The following MEMO1 variants were observed in gnomAD, a reference collection of about 807,000 sequenced individuals.
MEMO1 encodes the protein protein MEMO1.
A neutral mutation model predicts 45.2 loss-of-function variants in MEMO1; 6 were observed. That is an observed-to-expected ratio of 0.13 (90% CI 0.07 to 0.26). The LOEUF is 0.26. Ranked by LOEUF, MEMO1 falls within the 10% of genes least tolerant of loss-of-function variation. The pLI, the probability that MEMO1 is intolerant of heterozygous loss-of-function variation, is 1.00. For synonymous variants in MEMO1, 78 were observed against 124.3 expected (o/e 0.63, Z 2.48); for missense variants, 184 against 370.5 (o/e 0.50, Z 4.13).
Position 31,950,155 on chromosome 2 carries a change from T to C in MEMO1, c.62-6772A>G, listed in dbSNP as rs184768721. 1.6e-3 allele frequency among the ~76,000 whole-genome samples: 241 copies of C among 151,950 alleles called. 1 individual carries two copies. Among genetic ancestry groups the C allele is most frequent in the Non-Finnish European group, 2.5e-3 (172 of 67,924 alleles). On this transcript the variant is annotated intron_variant, in intron 2 of 9. Coordinates refer to ENST00000404530, the MANE Select transcript of MEMO1 (RefSeq NM_001301833.4). ...CAACACTTTGGGAAGCCACGGCAGA[T>C]GGATCACCTGAGGTCAGGAGTTTGA...
chr2:31,989,096 C>T (rs1185691224), intron 2 of MEMO1, among the ~76,000 whole-genome samples: 1 of 152,104 alleles, frequency 6.6e-6, no homozygotes, highest in Non-Finnish European at 1.5e-5. Flanking sequence ...ATCCCAGCTA[C>T]TCAGGAGGCT....
At chr2:31,941,847 T>C (rs894205639) in intron 3 of MEMO1, among the ~76,000 whole-genome samples, 10 of 152,192 alleles carry the variant, frequency 6.6e-5, no homozygotes, top group African/African-American at 2.2e-4. Flanking sequence ...ACAAAATATT[T>C]GGTATATAAA....
At chr2:31,960,757 TG>T (rs1667920063) in intron 2 of MEMO1, among the ~76,000 whole-genome samples, 1 of 152,032 alleles carries the variant, frequency 6.6e-6, no homozygotes, top group Admixed American at 6.6e-5. Context: ...GGCTAATTTT[TG>T]TATTTTTAGT....
At chr2:31,984,032 G>A (rs897257736) in intron 2 of MEMO1, among the ~76,000 whole-genome samples, 1 of 152,208 alleles carries the variant, frequency 6.6e-6, no homozygotes, top group Non-Finnish European at 1.5e-5. Flanking sequence ...TAAATAAGTT[G>A]AGTGGGGGAG....
chr2:31,950,581 G>C (rs1327251399), intron 2 of MEMO1, among the ~76,000 whole-genome samples: 1 of 151,546 alleles, frequency 6.6e-6, no homozygotes, highest in Non-Finnish European at 1.5e-5. Context: ...AAACTAGCCA[G>C]GCATGGTGGC....
rs752864560 is a variant in MEMO1, at chr2:31,917,922, A to G, written c.437+4T>C. On this transcript the variant is annotated splice_donor_region_variant and intron_variant, in intron 6 of 9. Transcript: ENST00000404530. The stretch of plus-strand genomic sequence containing the variant: ...CTGGGGATTTCTTATATCAATCAAT[A>G]TACCTTTCCATGGCTTTAGCTGTAT... 1.9e-6 allele frequency: 3 copies of G among 1,570,924 alleles called. No homozygotes were observed. Among genetic ancestry groups the G allele is most frequent in the Non-Finnish European group, 2.6e-6 (3 of 1,152,130 alleles).
intron 2 of MEMO1, among the ~76,000 whole-genome samples, chr2:32,002,289 A>G (rs1218183056): frequency 6.8e-6 from 1 of 146,488 alleles, no homozygotes; most frequent in African/African-American, 2.5e-5. Flanking sequence ...ATGTACATAT[A>G]TACATATACA....
intron 8 of MEMO1, among the ~76,000 whole-genome samples, chr2:31,875,603 C>T (rs1674439246): frequency 6.6e-6 from 1 of 152,154 alleles, no homozygotes; most frequent in African/African-American, 2.4e-5. Context: ...CCACTTCATT[C>T]TACCTCCACC....
chr2:31,882,519 GA>G (rs566741050), intron 8 of MEMO1, among the ~76,000 whole-genome samples: 83 of 150,370 alleles, frequency 5.5e-4, no homozygotes, highest in African/African-American at 1.7e-3. Context: ...AAATTTGAAG[GA>G]AAAAAAAAGT....
At chr2:31,976,691 A>ATT (rs564106910) in intron 2 of MEMO1, among the ~76,000 whole-genome samples, 1 of 152,082 alleles carries the variant, frequency 6.6e-6, no homozygotes, top group Non-Finnish European at 1.5e-5. Context: ...TATGATCATA[A>ATT]TTTTTTTGCT....
chr2:31,968,277 C>T (rs952837481), intron 2 of MEMO1, among the ~76,000 whole-genome samples: 3 of 152,198 alleles, frequency 2.0e-5, no homozygotes, highest in African/African-American at 4.8e-5. Context: ...AGGGGAAATA[C>T]GGGAATAGGA....
intron 2 of MEMO1, among the ~76,000 whole-genome samples, chr2:31,971,616 A>C (rs910356364): frequency 6.6e-6 from 1 of 152,114 alleles, no homozygotes; most frequent in Non-Finnish European, 1.5e-5. Context: ...GCTCAAAAAA[A>C]CCTTCCACCT....
chr2:31,975,372 T>C (rs1391862076), intron 2 of MEMO1, among the ~76,000 whole-genome samples: 3 of 152,210 alleles, frequency 2.0e-5, no homozygotes, highest in African/African-American at 7.2e-5. Flanking sequence ...TCTCATCTCC[T>C]GATCTTTGTG....
At chr2:31,993,547 C>T (rs567919127) in intron 2 of MEMO1, among the ~76,000 whole-genome samples, 1 of 152,264 alleles carries the variant, frequency 6.6e-6, no homozygotes, top group East Asian at 1.9e-4. Context: ...CTAGAATTTC[C>T]GGATCAGAAT....
intron 5 of MEMO1, among the ~76,000 whole-genome samples, chr2:31,918,668 C>T (rs996192647): frequency 6.6e-6 from 1 of 152,182 alleles, no homozygotes; most frequent in African/African-American, 2.4e-5. Context: ...TTTAAAACAC[C>T]TAGTAATTCA....
intron 2 of MEMO1, among the ~76,000 whole-genome samples, chr2:31,964,071 ATAT>A (rs1668327034): frequency 6.6e-6 from 1 of 152,178 alleles, no homozygotes; most frequent in African/African-American, 2.4e-5. Flanking sequence ...TTCAAATTAT[ATAT>A]GGCTTAAATT....
intron 3 of MEMO1, among the ~76,000 whole-genome samples, chr2:31,941,905 C>T (rs1375946482): frequency 1.3e-5 from 2 of 152,170 alleles, no homozygotes; most frequent in African/African-American, 4.8e-5. Context: ...ACTATTTGCT[C>T]ATTTAATTCT....
chr2:31,982,102 T>C (rs538546760), intron 2 of MEMO1, among the ~76,000 whole-genome samples: 1 of 145,884 alleles, frequency 6.9e-6, no homozygotes, highest in Non-Finnish European at 1.5e-5. Context: ...ATTGAGACCA[T>C]CCTGGCCAAC....
chr2:31,926,308 G>T (rs1683102420), intron 4 of MEMO1, among the ~76,000 whole-genome samples: 2 of 150,826 alleles, frequency 1.3e-5, no homozygotes, highest in African/African-American at 4.9e-5. Context: ...GGAATTCAAC[G>T]CTGCGTGAGC....
Sources: allele counts gnomAD v4.1 joint callset (sites outside exome capture counted in the v4.1 genomes callset), GRCh38; gene constraint gnomAD v4.1.1; transcripts MANE v1.5; gene names NCBI Gene and HGNC (gene_info 2026-07-23, HGNC 2026-07-21).